ULK4: variants seen among roughly 807,000 people sequenced by gnomAD.
ULK4 encodes the protein unc-51 like kinase 4.
A neutral mutation model predicts 160.6 loss-of-function variants in ULK4; 133 were observed. The ratio of observed to expected loss-of-function variants is 0.83; its 90% CI spans 0.72 to 0.96. ULK4 has a LOEUF of 0.96. ULK4 is among the 40% of genes least tolerant of loss of function. ULK4 has a pLI of 0.00. For synonymous variants in ULK4, 534 were observed against 539.8 expected (o/e 0.99, Z 0.15); for missense variants, 1,580 against 1,499.5 (o/e 1.05, Z -0.89).
At chr3:41,256,747 T>C (rs190483562) in intron 35 of ULK4, among the ~76,000 whole-genome samples, 17 of 152,334 alleles carry the variant, frequency 1.1e-4, no homozygotes, top group Admixed American at 9.1e-4. Flanking sequence ...TGTTAAAAAC[T>C]TTACTTTTTG....
rs543516263 is a variant in ULK4, at chr3:41,754,380, G to A, written c.2302C>T (p.Leu768=). 1 of 1,611,484 alleles carries A rather than the reference G, an allele frequency of 6.2e-7. No individual in the cohort carries two copies. The highest frequency in any genetic ancestry group is 1.3e-5 in the African/African-American group (1 of 74,898). Reference sequence around the variant, plus strand: ...TCTTACCTTGCTTGGCAACTGAGCAGCAACATCTCACGGTTATAAATCAAA... The same window carrying A: ...TCTTACCTTGCTTGGCAACTGAGCAACAACATCTCACGGTTATAAATCAAA... ...YILIYNREML[L]LSCQARLVMY... The change falls in exon 22 of 37, where the codon CTG becomes TTG. Residue 768 remains leucine (L), a synonymous_variant. Transcript: ENST00000301831.
At chr3:41,369,247 C>A (rs2081314317) in intron 35 of ULK4, among the ~76,000 whole-genome samples, 1 of 152,172 alleles carries the variant, frequency 6.6e-6, no homozygotes, top group Non-Finnish European at 1.5e-5. Context: ...CCTGTACCAG[C>A]ACTTTGGGAG....
rs78989734 is a variant in ULK4 at position 41,701,756 on chromosome 3, A to T, written c.2781+3301T>A. On this transcript the variant is annotated intron_variant, in intron 27 of 36. Transcript: ENST00000301831. ...AACAAGATAGACTTGAAAATCCCAG[A>T]CAACAATAACATATACATCATGAGG... Among the ~76,000 whole-genome samples the T allele has an allele frequency of 2.6e-3, 395 of 152,344 alleles. 2 individuals carry two copies. Among genetic ancestry groups the T allele is most frequent in the African/African-American group, 8.8e-3 (368 of 41,584 alleles).
chr3:41,419,555 C>T (rs1446299705), intron 34 of ULK4, among the ~76,000 whole-genome samples: 2 of 152,194 alleles, frequency 1.3e-5, no homozygotes, highest in Non-Finnish European at 2.9e-5. Flanking sequence ...GAGGTGGTAA[C>T]ACCGCCCTGC....
Position 41,567,648 on chromosome 3 carries a change from A to G in ULK4, c.3121-1518T>C, listed in dbSNP as rs1041097927. Among the ~76,000 whole-genome samples, 3 of 151,964 alleles carry G rather than the reference A, an allele frequency of 2.0e-5. No individual in the cohort carries two copies. The East Asian group carries it at 5.8e-4, about 29-fold the overall frequency. On this transcript the variant is annotated intron_variant, in intron 31 of 36. Coordinates refer to ENST00000301831, the MANE Select transcript of ULK4 (RefSeq NM_017886.4). Reference sequence around the variant, plus strand: ...TTGTTTTGTTTTTTGTATTTTTAGTAGAGACAGGGTTTGACTGTGTTGGCC... The same window carrying G: ...TTGTTTTGTTTTTTGTATTTTTAGTGGAGACAGGGTTTGACTGTGTTGGCC...
chr3:41,424,398 C>T (rs1468720295), intron 34 of ULK4, among the ~76,000 whole-genome samples: 2 of 152,220 alleles, frequency 1.3e-5, no homozygotes, highest in Non-Finnish European at 2.9e-5. Flanking sequence ...CAGTGCAGCA[C>T]ACCTCCTCCA....
intron 15 of ULK4, 22 bp downstream of exon 15, chr3:41,896,800 A>G (rs1698174503): frequency 6.3e-7 from 1 of 1,593,132 alleles, no homozygotes; most frequent in Non-Finnish European, 8.5e-7. Flanking sequence ...TAAAATGCAT[A>G]AGGCATGTCA....
At chr3:41,755,110 G>A (rs148509285) in intron 21 of ULK4, among the ~76,000 whole-genome samples, 351 of 152,232 alleles carry the variant, frequency 2.3e-3, no homozygotes, top group Non-Finnish European at 4.3e-3. Flanking sequence ...TATGCAAACA[G>A]AAAACAGACA....
chr3:41,450,023 CTTTGATAT>C (rs1412327958), intron 34 of ULK4, among the ~76,000 whole-genome samples: 7 of 150,950 alleles, frequency 4.6e-5, no homozygotes, highest in African/African-American at 1.7e-4. Flanking sequence ...ATACTGGCAC[CTTTGATAT>C]ATAATAAAGA....
intron 32 of ULK4, among the ~76,000 whole-genome samples, chr3:41,550,915 C>A (rs2087037306): frequency 6.6e-6 from 1 of 151,780 alleles, no homozygotes; most frequent in African/African-American, 2.4e-5. Context: ...TTTTAAAAAT[C>A]AAAATCATAT....
At chr3:41,268,921 G>A (rs568389571) in intron 35 of ULK4, among the ~76,000 whole-genome samples, 12 of 151,724 alleles carry the variant, frequency 7.9e-5, no homozygotes, top group Non-Finnish European at 1.5e-4. Context: ...AGCCAGCAAG[G>A]AGCAGCCTTC....
chr3:41,340,948 A>G (rs2080669710), intron 35 of ULK4, among the ~76,000 whole-genome samples: 1 of 152,202 alleles, frequency 6.6e-6, no homozygotes, highest in Non-Finnish European at 1.5e-5. Context: ...CTCCTCCTGA[A>G]GTGTCCAGCT....
At chr3:41,570,827 C>T (rs1397321223) in intron 31 of ULK4, among the ~76,000 whole-genome samples, 1 of 152,072 alleles carries the variant, frequency 6.6e-6, no homozygotes, top group African/African-American at 2.4e-5. Flanking sequence ...GGTCCCGGGA[C>T]CCCCTGCCTG....
Position 41,911,597 on chromosome 3 carries a change from C to T in ULK4, c.959G>A (p.Ser320Asn), listed in dbSNP as rs1698787853. ...DSKELLQNSQ[S>N]RQAKGHKSGQ... is the part of the protein sequence containing the mutation. ...ACTCTTGTGCCCTTTTGCTTGTCTA[C>T]TCTGAGAGTTCTGCAAAAGCTCCTT... Residue 320 changes from serine to asparagine, a missense_variant, in exon 10 of 37, where the codon AGT becomes AAT. By Grantham distance (46) the Ser-to-Asn change is conservative. Coordinates refer to ENST00000301831, the MANE Select transcript of ULK4 (RefSeq NM_017886.4). 6.2e-7 allele frequency: 1 copy of T among 1,613,890 alleles called. No homozygotes were observed. Among genetic ancestry groups the T allele is most frequent in the African/African-American group, 1.3e-5 (1 of 74,902 alleles).
At chr3:41,474,564 A>G (rs2084084596) in intron 32 of ULK4, among the ~76,000 whole-genome samples, 1 of 152,124 alleles carries the variant, frequency 6.6e-6, no homozygotes, top group African/African-American at 2.4e-5. Context: ...CAGAGTAAAG[A>G]GACAAGCTAC....
intron 31 of ULK4, among the ~76,000 whole-genome samples, chr3:41,568,880 C>T (rs1292196206): frequency 1.3e-5 from 2 of 152,234 alleles, no homozygotes; most frequent in Non-Finnish European, 2.9e-5. Context: ...TTCAAACACT[C>T]ATCACAAGTC....
intron 31 of ULK4, among the ~76,000 whole-genome samples, chr3:41,596,720 G>A (rs887208957): frequency 5.3e-5 from 8 of 152,142 alleles, no homozygotes; most frequent in Admixed American, 5.2e-4. Context: ...ATGTGTGCAT[G>A]AGGTGTGCGT....
intron 30 of ULK4, among the ~76,000 whole-genome samples, chr3:41,631,650 C>T (rs531906301): frequency 4.6e-5 from 7 of 152,148 alleles, no homozygotes; most frequent in African/African-American, 1.7e-4. Flanking sequence ...ACGCTTATTA[C>T]CTCAATAGAT....
At chr3:41,513,779 A>G (rs964892601) in intron 32 of ULK4, among the ~76,000 whole-genome samples, 1 of 152,242 alleles carries the variant, frequency 6.6e-6, no homozygotes, top group Non-Finnish European at 1.5e-5. Flanking sequence ...ATGCAAAGGC[A>G]TAAAAATGAT....
Sources: allele counts gnomAD v4.1 joint callset (sites outside exome capture counted in the v4.1 genomes callset), GRCh38; gene constraint gnomAD v4.1.1; transcripts MANE v1.5; gene names NCBI Gene and HGNC (gene_info 2026-07-23, HGNC 2026-07-21).